Variants in DNAH14 observed in about 807,000 individuals in gnomAD.
The protein encoded by DNAH14 is dynein axonemal heavy chain 14.
DNAH14 carries 478 observed loss-of-function variants against 520.9 expected under a neutral mutation model. The ratio of observed to expected loss-of-function variants is 0.92; its 90% CI spans 0.85 to 0.99. The LOEUF (loss-of-function observed/expected upper bound fraction) is 0.99. DNAH14 is among the 50% of genes least tolerant of loss of function. The pLI, the probability that DNAH14 is intolerant of heterozygous loss-of-function variation, is 0.00. For missense variants in DNAH14, 4,831 were observed against 5,234.5 expected (o/e 0.92, Z 2.38); for synonymous variants, 1,581 against 1,757.2 (o/e 0.90, Z 2.51).
chr1:225,085,594 T>C lies in DNAH14; in HGVS notation c.3378T>C (p.Asn1126=), dbSNP rs2073668186. Residue 1126 remains asparagine (N), a synonymous_variant, in exon 21 of 86, where the codon AAT becomes AAC. Coordinates refer to ENST00000682510, the MANE Select transcript of DNAH14 (RefSeq NM_001367479.1). ...EINDMSTSAT[N]EAALEKMLFK... ...ATGATATGTCAACCTCAGCAACTAA[T>C]GAAGCTGCTCTTGAAAAAATGCTAT... The C allele has an allele frequency of 6.5e-7, 1 of 1,549,326 alleles. No homozygotes were observed. The highest frequency in any genetic ancestry group is 8.7e-7 in the Non-Finnish European group (1 of 1,145,016).
chr1:225,272,968 T>A lies in DNAH14; in HGVS notation c.7853T>A (p.Leu2618Ter). 1 of 1,535,208 alleles carries A rather than the reference T, an allele frequency of 6.5e-7. No individual in the cohort carries two copies. Among genetic ancestry groups the A allele is most frequent in the African/African-American group, 1.4e-5 (1 of 71,740 alleles). The change falls in exon 52 of 86, where the codon TTG (leucine) becomes TAG (stop). Residue 2618 changes from leucine (L) to a stop codon, truncating the protein, a stop_gained. Coordinates refer to ENST00000682510, the MANE Select transcript of DNAH14 (RefSeq NM_001367479.1). LOFTEE classifies it high-confidence loss of function. ...LRDMFKLLLG[L>*]LQADRTVVNS... ...AATCCCTAACAGCTTCTCCTAGGAT[T>A]GCTGCAAGCTGACAGGACTGTTGTT...
intron 46 of DNAH14, among the ~76,000 whole-genome samples, chr1:225,263,642 A>C (rs995291547): frequency 2.6e-5 from 4 of 151,982 alleles, no homozygotes; most frequent in African/African-American, 7.2e-5. Flanking sequence ...ATCCTACTAC[A>C]CTTAAATAAG....
chr1:225,334,816 G>T (rs2094878686), intron 66 of DNAH14, among the ~76,000 whole-genome samples: 1 of 151,552 alleles, frequency 6.6e-6, no homozygotes. Context: ...CTGCAGTGAG[G>T]TGTCATCATG....
intron 21 of DNAH14, among the ~76,000 whole-genome samples, chr1:225,086,385 C>T (rs1163959175): frequency 6.6e-6 from 1 of 151,968 alleles, no homozygotes; most frequent in Non-Finnish European, 1.5e-5. Flanking sequence ...CTGCCCACCT[C>T]AGCCTCCCAA....
chr1:224,954,267 G>A (rs1436533778), intron 2 of DNAH14, among the ~76,000 whole-genome samples: 2 of 152,074 alleles, frequency 1.3e-5, no homozygotes, highest in African/African-American at 4.8e-5. Context: ...AAGACATTGT[G>A]CTTTCTTTGT....
intron 2 of DNAH14, among the ~76,000 whole-genome samples, 187 bp from the exon 3 acceptor site, chr1:224,954,772 T>A (rs1324751958): frequency 6.6e-6 from 1 of 152,194 alleles, no homozygotes; most frequent in Non-Finnish European, 1.5e-5. Context: ...TGAATAGATA[T>A]TATATTGTAT....
At chr1:225,175,920 T>C (rs1294628054) in intron 36 of DNAH14, among the ~76,000 whole-genome samples, 1 of 151,882 alleles carries the variant, frequency 6.6e-6, no homozygotes, top group Non-Finnish European at 1.5e-5. Context: ...CATGCCCGGC[T>C]AATTTTTGTA....
At chr1:225,161,243 G>C (rs1025506187) in intron 35 of DNAH14, among the ~76,000 whole-genome samples, 4 of 152,064 alleles carry the variant, frequency 2.6e-5, no homozygotes, top group South Asian at 2.1e-4. Context: ...TTTATGTTTA[G>C]GTTGCACAGA....
chr1:224,936,223 T>C (rs1212346475), intron 1 of DNAH14, among the ~76,000 whole-genome samples: 1 of 151,538 alleles, frequency 6.6e-6, no homozygotes, highest in African/African-American at 2.4e-5. Context: ...AGATCAGATC[T>C]AAATGAAATA....
At chr1:224,938,714 T>G (rs2059202819) in intron 1 of DNAH14, among the ~76,000 whole-genome samples, 1 of 152,176 alleles carries the variant, frequency 6.6e-6, no homozygotes, top group African/African-American at 2.4e-5. Flanking sequence ...GACAGGAAAT[T>G]AGTATATCAA....
rs1166689100 is a variant in DNAH14, at chr1:225,240,582, G to C, written c.6519-11G>C. 3 of 1,490,036 alleles carry C rather than the reference G, an allele frequency of 2.0e-6. No homozygotes were observed. Among genetic ancestry groups the C allele is most frequent in the African/African-American group, 2.8e-5 (2 of 71,560 alleles). 92.3% of individuals were successfully genotyped at this position (1,490,036 alleles called of 1,614,324 possible). ...TGTTAACCTTCATCCTTCCATACCT[G>C]TCTACCCCAGGGATGAAAATACATG... is the stretch of plus-strand genomic sequence containing the variant. On this transcript the variant is annotated splice_polypyrimidine_tract_variant and intron_variant, in intron 42 of 85. Transcript: ENST00000682510.
chr1:224,938,954 C>G (rs1330083165), intron 1 of DNAH14, among the ~76,000 whole-genome samples: 1 of 151,996 alleles, frequency 6.6e-6, no homozygotes, highest in Non-Finnish European at 1.5e-5. Flanking sequence ...ATCACATGTT[C>G]TCACTCATAT....
Position 224,964,462 on chromosome 1 carries a change from A to G in DNAH14, c.368-17A>G. The G allele has an allele frequency of 6.3e-7, 1 of 1,590,590 alleles. No homozygotes were observed. Among genetic ancestry groups the G allele is most frequent in the Non-Finnish European group, 8.6e-7 (1 of 1,168,484 alleles). On this transcript the variant is annotated splice_polypyrimidine_tract_variant and intron_variant, in intron 4 of 85. Coordinates refer to ENST00000682510, the MANE Select transcript of DNAH14 (RefSeq NM_001367479.1). ...ACATTTGCACTTATACTGGATTTTTAAATTGTTCTATACCAGAACCAAAAG... is the reference window on the plus strand; with the variant it reads ...ACATTTGCACTTATACTGGATTTTTGAATTGTTCTATACCAGAACCAAAAG...
At chr1:225,171,453 G>A (rs540949574) in intron 36 of DNAH14, among the ~76,000 whole-genome samples, 208 of 152,002 alleles carry the variant, frequency 1.4e-3, no homozygotes, top group Non-Finnish European at 2.1e-3. Flanking sequence ...CACCGATCCC[G>A]CAGAAATACA....
chr1:225,322,773 G>T lies in DNAH14; in HGVS notation c.9445G>T (p.Gly3149Cys). Residue 3149 changes from glycine (G) to cysteine (C), a missense_variant, in exon 62 of 86, where the codon GGT (glycine) becomes TGT (cysteine). By Grantham distance (159) the Gly-to-Cys change is radical. Transcript: ENST00000682510. ...GGCAAAGTTACTTCTTTCAGAAACT[G>T]GTTTCCTGAAAAAATTGATTAACCT... Reference protein sequence around the residue: ...ATAKLLLSETGFLKKLINLDK... With the variant: ...ATAKLLLSETCFLKKLINLDK... The T allele has an allele frequency of 6.4e-7, 1 of 1,551,738 alleles. No homozygotes were observed. Among genetic ancestry groups the T allele is most frequent in the Non-Finnish European group, 8.7e-7 (1 of 1,146,964 alleles).
intron 8 of DNAH14, among the ~76,000 whole-genome samples, chr1:224,981,051 A>T (rs1163852043): frequency 1.3e-5 from 2 of 152,196 alleles, no homozygotes; most frequent in Admixed American, 6.5e-5. Flanking sequence ...ATCTATTGAG[A>T]TGATCATGTG....
intron 23 of DNAH14, among the ~76,000 whole-genome samples, chr1:225,104,058 C>T (rs543280064): frequency 4.6e-5 from 7 of 152,222 alleles, no homozygotes; most frequent in African/African-American, 1.2e-4. Context: ...TTTTGAGATA[C>T]GTCCCCTCAA....
intron 10 of DNAH14, among the ~76,000 whole-genome samples, chr1:225,022,666 C>A (rs1040024786): frequency 6.6e-6 from 1 of 152,148 alleles, no homozygotes; most frequent in African/African-American, 2.4e-5. Flanking sequence ...AGTTCAGCCA[C>A]TTTGGAAAGC....
Position 225,186,000 on chromosome 1 carries a change from T to C in DNAH14, c.5670+575T>C, listed in dbSNP as rs558909352. ...TTTATTAAATTATTTTCAGCATCTATTTTTTAAATCTTTTAACTGATTAAT... is the reference window on the plus strand; with the variant it reads ...TTTATTAAATTATTTTCAGCATCTACTTTTTAAATCTTTTAACTGATTAAT... On this transcript the variant is annotated intron_variant, in intron 37 of 85. Coordinates refer to ENST00000682510, the MANE Select transcript of DNAH14 (RefSeq NM_001367479.1). 6.7e-5 allele frequency among the ~76,000 whole-genome samples: 10 copies of C among 150,136 alleles called. No homozygotes were observed. In the East Asian group the frequency reaches 2.0e-3, roughly 29 times the overall value.
Sources: gnomAD v4.1 joint callset for allele counts (sites outside exome capture counted in the v4.1 genomes callset) on GRCh38, gnomAD v4.1.1 for gene constraint, MANE v1.5 for transcripts, NCBI Gene and HGNC (gene_info 2026-07-23, HGNC 2026-07-21) for gene names.